PBRM1: variants seen among roughly 807,000 people sequenced by gnomAD.
The protein encoded by PBRM1 is protein polybromo-1.
A neutral mutation model predicts 194.5 loss-of-function variants in PBRM1; 27 were observed. The ratio of observed to expected loss-of-function variants is 0.14; its 90% CI spans 0.10 to 0.19. The LOEUF is 0.19. Ranked by LOEUF, PBRM1 falls within the 10% of genes least tolerant of loss-of-function variation. The probability of loss-of-function intolerance (pLI) is 1.00; values close to 1 mark genes in which losing one functional copy is unlikely to be tolerated. For missense variants in PBRM1, 1,466 were observed against 2,077.2 expected (o/e 0.71, Z 5.72); for synonymous variants, 655 against 693.2 (o/e 0.94, Z 0.87).
At chr3:52,567,924 C>T (rs940114442) in intron 22 of PBRM1, among the ~76,000 whole-genome samples, 3 of 150,566 alleles carry the variant, frequency 2.0e-5, no homozygotes, top group African/African-American at 7.3e-5. Flanking sequence ...GCTGGGATTA[C>T]AGGTGTGAAC....
exon 11 of PBRM1, chr3:52,634,738 G>T (rs935520845): frequency 6.2e-7 from 1 of 1,613,692 alleles, no homozygotes; most frequent in Non-Finnish European, 8.5e-7. Context: ...GTGTCATAAA[G>T]CTGATAAAAA....
At chr3:52,586,231 G>T in intron 20 of PBRM1, 194 bp downstream of exon 22, 4 of 516,650 alleles carry the variant, frequency 7.7e-6, no homozygotes, top group Non-Finnish European at 1.4e-5. Flanking sequence ...AATGCACTTG[G>T]CCTGATTTAC....
intron 13 of PBRM1, among the ~76,000 whole-genome samples, chr3:52,623,598 C>T (rs887572198): frequency 3.3e-5 from 5 of 152,124 alleles, no homozygotes; most frequent in Non-Finnish European, 7.3e-5. Flanking sequence ...GGTCAATAAG[C>T]GCTACTTCAA....
chr3:52,587,295 T>G, intron 19 of PBRM1, 58 bp downstream of exon 21: 1 of 1,249,564 alleles, frequency 8.0e-7, no homozygotes, highest in Non-Finnish European at 1.1e-6. Flanking sequence ...ATTTTCTGTG[T>G]TTTAAAATTT....
chr3:52,597,227 T>C (rs890957693), intron 17 of PBRM1, among the ~76,000 whole-genome samples: 3 of 152,204 alleles, frequency 2.0e-5, no homozygotes, highest in Non-Finnish European at 2.9e-5. Flanking sequence ...CTTTCAGAGA[T>C]ATGAAGTTAA....
rs1560997536 is a variant in PBRM1, at chr3:52,668,669, A to T, written c.237-24T>A. On this transcript the variant is annotated intron_variant, in intron 2 of 29. Coordinates refer to ENST00000296302, the Ensembl canonical transcript of PBRM1. Reference sequence around the variant, plus strand: ...TTCTGTTATAATTTAAATTTTTTTAAAGGAGATTAATCTGAAGCTTACAAA... The same window carrying T: ...TTCTGTTATAATTTAAATTTTTTTATAGGAGATTAATCTGAAGCTTACAAA... 2.1e-6 allele frequency: 3 copies of T among 1,434,734 alleles called. No individual in the cohort carries two copies. In the South Asian group the frequency reaches 4.0e-5, roughly 19 times the overall value. The allele number at this position is 1,434,734 out of a possible 1,614,324, so 88.9% of individuals were successfully genotyped here. A position where few individuals can be genotyped will look rare whatever the true frequency, so the allele number is the denominator to read the frequency against.
At chr3:52,603,866 T>G in intron 16 of PBRM1, 134 bp from the exon 19 acceptor site, 1 of 821,610 alleles carries the variant, frequency 1.2e-6, no homozygotes, top group Non-Finnish European at 1.8e-6. Flanking sequence ...AAGAGTATCT[T>G]TCCGAAGTTT....
exon 17 of PBRM1, chr3:52,603,657 T>C (rs201270191): frequency 1.5e-5 from 24 of 1,613,274 alleles, no homozygotes; most frequent in Admixed American, 1.3e-4. Flanking sequence ...TCTCTCCATT[T>C]TTGCAGAGTT....
intron 2 of PBRM1, among the ~76,000 whole-genome samples, chr3:52,669,247 A>C (rs2096901479): frequency 1.3e-5 from 2 of 152,216 alleles, no homozygotes; most frequent in African/African-American, 4.8e-5. Flanking sequence ...GGAAAAAAAA[A>C]ACCATGGGAC....
intron 15 of PBRM1, among the ~76,000 whole-genome samples, chr3:52,610,938 C>CA (rs200886092): frequency 1.4e-3 from 210 of 151,620 alleles, no homozygotes; most frequent in Non-Finnish European, 2.5e-3. Context: ...GACTCTGTCT[C>CA]AAAAAAACAA....
intron 22 of PBRM1, among the ~76,000 whole-genome samples, chr3:52,571,838 A>C (rs962578927): frequency 2.4e-5 from 3 of 123,202 alleles, no homozygotes; most frequent in African/African-American, 9.1e-5. Flanking sequence ...CCTGAGCAAG[A>C]GGGATACCTC....
chr3:52,549,112 C>T (rs1379373101), intron 29 of PBRM1, among the ~76,000 whole-genome samples: 3 of 151,976 alleles, frequency 2.0e-5, no homozygotes, highest in Admixed American at 6.6e-5. Flanking sequence ...CCTCCACCTC[C>T]GGGTTCAAAT....
chr3:52,560,783 A>C (rs2153478612), intron 25 of PBRM1: 1 of 152,356 alleles, frequency 6.6e-6, no homozygotes, highest in South Asian at 2.1e-4. Flanking sequence ...GAAGCCTGTC[A>C]GATAATTTCA....
In PBRM1 at chr3:52,579,132, T is replaced by C. The variant is rs772449438; in HGVS notation, c.3455A>G (p.His1152Arg). Residue 1152 changes from histidine (H) to arginine (R), a missense_variant, in exon 21 of 30, where the codon CAT becomes CGT. This residue lies in a region of PBRM1 where 687 missense variants were observed against 946.2 expected (regional missense o/e 0.73). Coordinates refer to ENST00000296302, the Ensembl canonical transcript of PBRM1. ...AACCTTCAGCCACATGTCATTGTAA[T>C]GGAGCTGCTCAAAGTAGTGGCAACC... 5.6e-6 allele frequency: 9 copies of C among 1,614,022 alleles called. No individual in the cohort carries two copies. The South Asian group carries it at 7.7e-5, about 14-fold the overall frequency.
At chr3:52,682,281 A>G (rs1578437744), upstream of PBRM1, 1 of 148,384 alleles carries the variant, frequency 6.7e-6, no homozygotes, top group East Asian at 2.0e-4. Flanking sequence ...TCTGGAAAAC[A>G]CCCTCCCCCA....
At chr3:52,682,284 C>G (rs1356018668), upstream of PBRM1, 1 of 150,188 alleles carries the variant, frequency 6.7e-6, no homozygotes, top group Non-Finnish European at 1.5e-5. Flanking sequence ...GGAAAACACC[C>G]TCCCCCACAA....
At chr3:52,617,339 C>T in exon 14 of PBRM1, 1 of 1,613,888 alleles carries the variant, frequency 6.2e-7, no homozygotes, top group Non-Finnish European at 8.5e-7. Context: ...TCTTCACCAG[C>T]ATATTTGTCA....
chr3:52,651,157 G>A lies in PBRM1; in HGVS notation c.714+585C>T, dbSNP rs79196646. Among the ~76,000 whole-genome samples the A allele has an allele frequency of 7.0e-4, 106 of 152,280 alleles. No homozygotes were observed. The East Asian group carries it at 9.3e-3, about 13-fold the overall frequency. On this transcript the variant is annotated intron_variant, in intron 6 of 29. Transcript: ENST00000296302. ...GAATTAATTAGCTAATACACATAAA[G>A]CACTTAAAACAGTGCTAGGTACATA... is the stretch of plus-strand genomic sequence containing the variant.
intron 7 of PBRM1, among the ~76,000 whole-genome samples, chr3:52,645,506 CTT>C (rs78147048): frequency 2.2e-5 from 3 of 138,106 alleles, no homozygotes; most frequent in Middle Eastern, 3.7e-3. Flanking sequence ...CTCAGCATAC[CTT>C]TTTTTTTTTT....
Sources: gnomAD v4.1 joint callset for allele counts (sites outside exome capture counted in the v4.1 genomes callset) on GRCh38, gnomAD v4.1.1 for gene constraint, gnomAD v4.1.1 regional missense constraint, MANE v1.5 for transcripts, NCBI Gene and HGNC (gene_info 2026-07-23, HGNC 2026-07-21) for gene names.